The following RNF19A variants were observed in gnomAD, a reference collection of about 807,000 sequenced individuals.
The protein encoded by RNF19A is ring finger protein 19A, RBR E3 ubiquitin protein ligase, also known as E3 ubiquitin-protein ligase RNF19A.
A neutral mutation model predicts 75.7 loss-of-function variants in RNF19A; 32 were observed. The ratio of observed to expected loss-of-function variants is 0.42; its 90% CI spans 0.32 to 0.57. The LOEUF (loss-of-function observed/expected upper bound fraction) is 0.57. Among genes scored for constraint, RNF19A ranks in the 20% least tolerant of loss-of-function variants. RNF19A has a pLI of 0.10. For synonymous variants in RNF19A, 335 were observed against 345.2 expected, an observed-to-expected ratio of 0.97 and a Z score of 0.33; for missense variants, 782 against 1,036.3, an observed-to-expected ratio of 0.75 and a Z score of 3.37.
chr8:100,274,857 C>A, intron 3 of RNF19A, 96 bp downstream of exon 3: 1 of 946,028 alleles, frequency 1.1e-6, no homozygotes, highest in Non-Finnish European at 1.6e-6. Context: ...ACACTTTCGG[C>A]AAGTGAAAGG....
intron 1 of RNF19A, 113 bp from the exon 2 acceptor site, chr8:100,288,380 GT>G (rs1366055731): frequency 2.8e-5 from 18 of 647,356 alleles, no homozygotes; most frequent in East Asian, 4.1e-5. Context: ...AGTAGTAGTT[GT>G]TTTTTTTAAC....
rs1230831045 is a variant in RNF19A, at chr8:100,269,878, T to C, written c.1019A>G (p.His340Arg). ...WLCMKEISDLHYLSPSGCTFW... is the reference protein window; with the variant it reads ...WLCMKEISDLRYLSPSGCTFW... ...CCTTCTATAAGCTTACCTTAGATAA[T>C]GCAAATCTGAGATTTCTTTCATACA... Residue 340 changes from histidine to arginine, a missense_variant, in exon 4 of 10, where the codon CAT (histidine) becomes CGT (arginine). By Grantham distance (29) the His-to-Arg change is conservative. This residue lies in a region of RNF19A where 41 missense variants were observed against 75.9 expected (regional missense o/e 0.54). Coordinates refer to ENST00000341084, the MANE Select transcript of RNF19A (RefSeq NM_183419.4). The surrounding 1 kb of genome is among the most constrained non-coding windows in gnomAD (Gnocchi z 5.7). The C allele has an allele frequency of 6.2e-7, 1 of 1,605,470 alleles. No individual in the cohort carries two copies. Among genetic ancestry groups the C allele is most frequent in the Non-Finnish European group, 8.5e-7 (1 of 1,176,032 alleles).
chr8:100,299,331 G>A (rs1228617260), intron 1 of RNF19A, among the ~76,000 whole-genome samples: 3 of 152,148 alleles, frequency 2.0e-5, no homozygotes, highest in African/African-American at 4.8e-5. Context: ...ACAAATAATT[G>A]TTGTTTCTGT....
Position 100,331,587 on chromosome 8 carries a change from T to G in RNF19A, c.-243+4521A>C, listed in dbSNP as rs1428168160. Among the ~76,000 whole-genome samples the G allele has an allele frequency of 2.0e-5, 3 of 152,114 alleles. No homozygotes were observed. The highest frequency in any genetic ancestry group is 7.2e-5 in the African/African-American group (3 of 41,408). On this transcript the variant is annotated intron_variant, in intron 1 of 3. Coordinates refer to the RNF19A transcript ENST00000519527. The surrounding 1 kb of genome is among the most constrained non-coding windows in gnomAD (Gnocchi z 5.2). ...AGGATGTCAAAGCTGCAGTGAGTCA[T>G]GACTGTGCCACTGCACTCCAGCCTG... is the stretch of plus-strand genomic sequence containing the variant.
In RNF19A at chr8:100,325,589, C is replaced by T. The variant is rs550852659; in HGVS notation, c.-243+10519G>A. Among the ~76,000 whole-genome samples, 9 of 152,248 alleles carry T rather than the reference C, an allele frequency of 5.9e-5. No individual in the cohort carries two copies. The highest frequency in any genetic ancestry group is 4.1e-4 in the South Asian group (2 of 4,822). ...TCAGCAGCACCACACCTCTAGCCTA[C>T]GCCCTGGGTCCTCAAGCCCAGCCTA... On this transcript the variant is annotated intron_variant, in intron 1 of 3. Transcript: ENST00000519527. This position sits in a 1 kb window ranked among gnomAD's most constrained non-coding sequence, Gnocchi z 4.3.
chr8:100,303,946 GT>G, intron 1 of RNF19A, among the ~76,000 whole-genome samples: 1 of 151,436 alleles, frequency 6.6e-6, no homozygotes, highest in Non-Finnish European at 1.5e-5. Context: ...CCAAAAAAAA[GT>G]TTTTATTTAT....
chr8:100,301,499 CCACA>C (rs1411866515), intron 1 of RNF19A, among the ~76,000 whole-genome samples: 1 of 152,120 alleles, frequency 6.6e-6, no homozygotes, highest in Non-Finnish European at 1.5e-5. Context: ...CATAAAAACC[CCACA>C]CTTTAGCCAA....
In RNF19A at chr8:100,287,173, T is replaced by C. The variant is rs1001349936; in HGVS notation, c.674+328A>G. Among the ~76,000 whole-genome samples, 16 of 152,172 alleles carry C rather than the reference T, an allele frequency of 1.1e-4. No homozygotes were observed. The highest frequency in any genetic ancestry group is 3.8e-4 in the East Asian group (2 of 5,200). On this transcript the variant is annotated intron_variant, in intron 2 of 9. Transcript: ENST00000341084. This position sits in a 1 kb window ranked among gnomAD's most constrained non-coding sequence, Gnocchi z 4.1. Reference sequence around the variant, plus strand: ...ATAACCCCCTCATCATAAACAAACCTGATCATTTCATCTGTTATTCCAAAA... The same window carrying C: ...ATAACCCCCTCATCATAAACAAACCCGATCATTTCATCTGTTATTCCAAAA...
Position 100,264,489 on chromosome 8 carries a change from C to T in RNF19A, c.1306+182G>A, listed in dbSNP as rs1266086610. 1.7e-6 allele frequency: 1 copy of T among 593,252 alleles called. No individual in the cohort carries two copies. Among genetic ancestry groups the T allele is most frequent in the African/African-American group, 1.9e-5 (1 of 53,696 alleles). 36.7% of individuals were successfully genotyped at this position (593,252 alleles called of 1,614,324 possible). The stretch of plus-strand genomic sequence containing the variant: ...GTGGAGTGGGGAGGAAGGGTATCAG[C>T]CACTAACAATTTACCAACTACTTTA... On this transcript the variant is annotated intron_variant, in intron 6 of 9. Transcript: ENST00000341084. The surrounding 1 kb of genome is among the most constrained non-coding windows in gnomAD (Gnocchi z 4.7).
intron 1 of RNF19A, among the ~76,000 whole-genome samples, chr8:100,304,035 T>C (rs1821961326): frequency 6.6e-6 from 1 of 152,166 alleles, no homozygotes; most frequent in South Asian, 2.1e-4. Flanking sequence ...CGGCTCACTA[T>C]AACCTCCACC....
chr8:100,311,828 G>A (rs532968836), upstream of RNF19A, among the ~76,000 whole-genome samples: 22 of 152,144 alleles, frequency 1.4e-4, no homozygotes, highest in Admixed American at 3.3e-4. Context: ...GAAGCTGTGC[G>A]GAATGAAAAT....
At chr8:100,310,756 T>C (rs1822273167), upstream of RNF19A, among the ~76,000 whole-genome samples, 1 of 116,470 alleles carries the variant, frequency 8.6e-6, no homozygotes, top group Non-Finnish European at 1.7e-5. Flanking sequence ...ATCTCTTTTA[T>C]TTCATTTTTT....
intron 2 of RNF19A, among the ~76,000 whole-genome samples, chr8:100,277,608 A>AT (rs35751827): frequency 0.46 from 69,902 of 151,846 alleles, 17,011 homozygotes; most frequent in African/African-American, 0.63. Context: ...CTTAAATTCC[A>AT]CTTATTTCTG....
chr8:100,302,517 T>C (rs536962914), intron 1 of RNF19A, among the ~76,000 whole-genome samples: 1 of 152,218 alleles, frequency 6.6e-6, no homozygotes, highest in African/African-American at 2.4e-5. Context: ...GAGATGTATA[T>C]CCAAACACCC....
intron 1 of RNF19A, among the ~76,000 whole-genome samples, chr8:100,334,467 G>A (rs1822649467): frequency 6.6e-6 from 1 of 152,200 alleles, no homozygotes; most frequent in Non-Finnish European, 1.5e-5. Flanking sequence ...CTTCTGAGTA[G>A]TGCTCAGTAG....
chr8:100,320,061 C>G (rs1481818984), intron 1 of RNF19A, among the ~76,000 whole-genome samples: 3 of 152,058 alleles, frequency 2.0e-5, no homozygotes, highest in African/African-American at 7.2e-5. Flanking sequence ...GTCTCGAACT[C>G]CTGACCTCAG....
Position 100,332,051 on chromosome 8 carries a change from A to G in RNF19A, c.-243+4057T>C, listed in dbSNP as rs1295854810. On this transcript the variant is annotated intron_variant, in intron 1 of 3. Coordinates refer to the RNF19A transcript ENST00000519527. This position sits in a 1 kb window ranked among gnomAD's most constrained non-coding sequence, Gnocchi z 4.8. ...TTGTTTCCAATATTATGCTCCTACAAACATATTTGTAAGAATTATCTGGGT... is the reference window on the plus strand; with the variant it reads ...TTGTTTCCAATATTATGCTCCTACAGACATATTTGTAAGAATTATCTGGGT... Among the ~76,000 whole-genome samples the G allele has an allele frequency of 6.6e-6, 1 of 152,212 alleles. No individual in the cohort carries two copies. Among genetic ancestry groups the G allele is most frequent in the Non-Finnish European group, 1.5e-5 (1 of 68,034 alleles).
intron 2 of RNF19A, among the ~76,000 whole-genome samples, chr8:100,276,239 C>T (rs1820503348): frequency 6.6e-6 from 1 of 152,132 alleles, no homozygotes; most frequent in African/African-American, 2.4e-5. Flanking sequence ...AGCTATAGTG[C>T]ATACACACTA....
intron 1 of RNF19A, among the ~76,000 whole-genome samples, chr8:100,298,198 T>TA (rs35748790): frequency 0.4 from 57,146 of 144,324 alleles, 10,927 homozygotes; most frequent in East Asian, 0.44. Flanking sequence ...TGTATTGGGT[T>TA]AAAAAAAAAA....
Sources: gnomAD v4.1 joint callset for allele counts (sites outside exome capture counted in the v4.1 genomes callset) on GRCh38, gnomAD v4.1.1 for gene constraint, gnomAD v4.1.1 regional missense constraint, Gnocchi (gnomAD v3.1) non-coding constraint, MANE v1.5 for transcripts, NCBI Gene and HGNC (gene_info 2026-07-23, HGNC 2026-07-21) for gene names.